The following C1orf52 variants were observed in gnomAD, a reference collection of about 807,000 sequenced individuals.
C1orf52 encodes chromosome 1 open reading frame 52, also known as UPF0690 protein C1orf52.
A neutral mutation model predicts 17.2 loss-of-function variants in C1orf52; 5 were observed. The observed-to-expected ratio is 0.29, with a 90% CI of 0.15 to 0.61. The LOEUF (loss-of-function observed/expected upper bound fraction) is 0.61. Among genes scored for constraint, C1orf52 ranks in the 20% least tolerant of loss-of-function variants. C1orf52 has a pLI of 0.85. For synonymous variants in C1orf52, 110 were observed against 88.0 expected (o/e 1.25, Z -1.40); for missense variants, 245 against 234.1 (o/e 1.05, Z -0.30).
chr1:85,257,141 G>C (rs1659964046), intron 2 of C1orf52, among the ~76,000 whole-genome samples: 1 of 152,158 alleles, frequency 6.6e-6, no homozygotes, highest in Admixed American at 6.6e-5. Context: ...CAAAACATTA[G>C]TTCAATTCAA....
At chr1:85,253,276 ATTG>A (rs1255638375) in intron 2 of C1orf52, among the ~76,000 whole-genome samples, 1 of 152,174 alleles carries the variant, frequency 6.6e-6, no homozygotes, top group Non-Finnish European at 1.5e-5. Flanking sequence ...AATGGAGCAT[ATTG>A]TTTTCTTTTT....
At chr1:85,254,281 C>A (rs1387052531) in intron 2 of C1orf52, among the ~76,000 whole-genome samples, 1 of 152,144 alleles carries the variant, frequency 6.6e-6, no homozygotes, top group Non-Finnish European at 1.5e-5. Context: ...GATCAACTCA[C>A]CCCAGGAATT....
chr1:85,254,212 T>G (rs1659869937), intron 2 of C1orf52, among the ~76,000 whole-genome samples: 1 of 152,190 alleles, frequency 6.6e-6, no homozygotes, highest in Non-Finnish European at 1.5e-5. Context: ...GGTGATGTTA[T>G]TCATATGCTT....
chr1:85,259,230 G>A, intron 1 of C1orf52, 128 bp downstream of exon 1: 2 of 1,263,944 alleles, frequency 1.6e-6, no homozygotes, highest in Admixed American at 2.3e-5. Flanking sequence ...GAGGTGGGAG[G>A]GGGTGGTGCG....
chr1:85,250,238 G>A lies in C1orf52; in HGVS notation c.*2391C>T, dbSNP rs537820764. The A allele has an allele frequency of 1.6e-4, 25 of 152,206 alleles. No homozygotes were observed. Among genetic ancestry groups the A allele is most frequent in the African/African-American group, 6.0e-4 (25 of 41,526 alleles). 9.4% of individuals were successfully genotyped at this position (152,206 alleles called of 1,614,324 possible). A position where few individuals can be genotyped will look rare whatever the true frequency, so the allele number is the denominator to read the frequency against. ...TACAATTCAAGTGAGATTTGGTTGG[G>A]GACACAGCCAAACCAGATCAGGATC... On this transcript the variant is annotated 3_prime_UTR_variant, in exon 3 of 3. Coordinates refer to ENST00000471115, the MANE Select transcript of C1orf52 (RefSeq NM_198077.4).
At chr1:85,254,393 T>C (rs1457289023) in intron 2 of C1orf52, among the ~76,000 whole-genome samples, 1 of 144,530 alleles carries the variant, frequency 6.9e-6, no homozygotes, top group Non-Finnish European at 1.5e-5. Flanking sequence ...CCAAACGTTT[T>C]GCTTTTTTTT....
chr1:85,257,634 G>A (rs1326385369), intron 2 of C1orf52, among the ~76,000 whole-genome samples: 1 of 152,190 alleles, frequency 6.6e-6, no homozygotes, highest in African/African-American at 2.4e-5. Flanking sequence ...GTACAGATTG[G>A]ATAAGAATGT....
In C1orf52 at chr1:85,252,562, T is replaced by A; in HGVS notation, c.*67A>T. 7.6e-7 allele frequency: 1 copy of A among 1,323,262 alleles called. No homozygotes were observed. Among genetic ancestry groups the A allele is most frequent in the Non-Finnish European group, 1.1e-6 (1 of 924,762 alleles). The allele number at this position is 1,323,262 out of a possible 1,614,324, so 82.0% of individuals were successfully genotyped here. A position where few individuals can be genotyped will look rare whatever the true frequency, so the allele number is the denominator to read the frequency against. On this transcript the variant is annotated 3_prime_UTR_variant, in exon 3 of 3. Coordinates refer to ENST00000471115, the MANE Select transcript of C1orf52 (RefSeq NM_198077.4). ...AGATGTGGCATAATAACCCACAATA[T>A]CAACTTAATCTGTCCAAAGAAACAT...
intron 2 of C1orf52, among the ~76,000 whole-genome samples, chr1:85,255,043 T>C (rs896629428): frequency 1.3e-5 from 2 of 152,222 alleles, no homozygotes; most frequent in African/African-American, 4.8e-5. Context: ...CTCGGTCTCA[T>C]ATAGTATAGA....
At chr1:85,256,045 G>C (rs1322985769) in intron 2 of C1orf52, among the ~76,000 whole-genome samples, 1 of 152,172 alleles carries the variant, frequency 6.6e-6, no homozygotes, top group African/African-American at 2.4e-5. Flanking sequence ...ACAAAGATGT[G>C]AGAGCACCAG....
intron 2 of C1orf52, among the ~76,000 whole-genome samples, chr1:85,255,323 G>C (rs763087564): frequency 4.6e-5 from 7 of 152,098 alleles, no homozygotes; most frequent in Admixed American, 2.6e-4. Context: ...AGGCTGAAGC[G>C]GGCGGATCAC....
chr1:85,256,015 C>T (rs1338024154), intron 2 of C1orf52, among the ~76,000 whole-genome samples: 1 of 152,132 alleles, frequency 6.6e-6, no homozygotes, highest in Non-Finnish European at 1.5e-5. Flanking sequence ...GTGTATAATC[C>T]TGGTTTTTTC....
At chr1:85,258,385 C>T in intron 2 of C1orf52, 139 bp downstream of exon 2, 1 of 821,792 alleles carries the variant, frequency 1.2e-6, no homozygotes, top group Non-Finnish European at 1.9e-6. Flanking sequence ...TTCTCAAAAG[C>T]AGAGCAGTAA....
In C1orf52 at chr1:85,252,833, T is replaced by A. The variant is rs1557777691; in HGVS notation, c.476-131A>T. ...TAATGTTTCTCTCAGAGTTTCCCAA[T>A]AAAAAACAAGAATTAACTTTTAGAG... On this transcript the variant is annotated intron_variant, in intron 2 of 2. Transcript: ENST00000471115. 4.7e-6 allele frequency: 3 copies of A among 642,950 alleles called. No individual in the cohort carries two copies. The East Asian group carries it at 8.6e-5, about 19-fold the overall frequency. 39.8% of individuals were successfully genotyped at this position (642,950 alleles called of 1,614,324 possible). A position where few individuals can be genotyped will look rare whatever the true frequency, so the allele number is the denominator to read the frequency against.
At chr1:85,259,071 G>A (rs1034576421) in intron 1 of C1orf52, 8 of 1,347,616 alleles carry the variant, frequency 5.9e-6, no homozygotes, top group Middle Eastern at 5.6e-4. Flanking sequence ...GCTGCAGCGG[G>A]GGGGGCGGGG....
intron 2 of C1orf52, among the ~76,000 whole-genome samples, chr1:85,258,048 G>C (rs1349814316): frequency 2.0e-5 from 3 of 151,972 alleles, no homozygotes; most frequent in Admixed American, 6.6e-5. Context: ...GAACCTGGGA[G>C]GTGGAGGTTC....
chr1:85,254,619 C>T (rs986402080), intron 2 of C1orf52, among the ~76,000 whole-genome samples: 1 of 152,172 alleles, frequency 6.6e-6, no homozygotes, highest in Admixed American at 6.5e-5. Context: ...TCTCTATCTC[C>T]TGACCTCGTG....
intron 2 of C1orf52, chr1:85,257,515 G>A (rs555489826): frequency 3.6e-5 from 26 of 713,808 alleles, no homozygotes; most frequent in Non-Finnish European, 6.5e-5. Flanking sequence ...GGGAGAAAGG[G>A]CCTATTAATA....
chr1:85,252,538 G>A lies in C1orf52; in HGVS notation c.*91C>T, dbSNP rs1263527006. 1 of 978,092 alleles carries A rather than the reference G, an allele frequency of 1.0e-6. No homozygotes were observed. Among genetic ancestry groups the A allele is most frequent in the East Asian group, 2.5e-5 (1 of 40,706 alleles). The allele number at this position is 978,092 out of a possible 1,614,324, so 60.6% of individuals were successfully genotyped here. On this transcript the variant is annotated 3_prime_UTR_variant, in exon 3 of 3. Coordinates refer to ENST00000471115, the MANE Select transcript of C1orf52 (RefSeq NM_198077.4). ...TCATTAACGTATGCATTTTCATGGA[G>A]ATGTGGCATAATAACCCACAATATC...
Sources: gnomAD v4.1 joint callset for allele counts (sites outside exome capture counted in the v4.1 genomes callset) on GRCh38, gnomAD v4.1.1 for gene constraint, MANE v1.5 for transcripts, NCBI Gene and HGNC (gene_info 2026-07-23, HGNC 2026-07-21) for gene names.